The following TTC13 variants were observed in gnomAD, a reference collection of about 807,000 sequenced individuals.
The protein encoded by TTC13 is tetratricopeptide repeat domain 13.
TTC13 carries 62 observed loss-of-function variants against 120.0 expected under a neutral mutation model. The ratio of observed to expected loss-of-function variants is 0.52; its 90% CI spans 0.42 to 0.64. The LOEUF (loss-of-function observed/expected upper bound fraction) is 0.64, where lower values mean the gene tolerates loss of function less well. Ranked by LOEUF, TTC13 falls within the 30% of genes least tolerant of loss-of-function variation. TTC13 has a pLI of 0.00. For synonymous variants in TTC13, 384 were observed against 393.5 expected, an observed-to-expected ratio of 0.98 and a Z score of 0.28; for missense variants, 824 against 1,050.2, an observed-to-expected ratio of 0.78 and a Z score of 2.98.
Position 230,931,758 on chromosome 1 carries a change from T to A in TTC13, c.1103A>T (p.Gln368Leu), listed in dbSNP as rs1204738435. The change falls in exon 10 of 23, where the codon CAG becomes CTG. Residue 368 changes from glutamine to leucine, a missense_variant. By Grantham distance (113) the Gln-to-Leu change is moderately radical (BLOSUM62 -2). Around this residue, in one of 4 missense-constraint regions of TTC13, gnomAD observed 430 missense variants for 626.8 expected, o/e 0.69. Coordinates refer to ENST00000366661, the MANE Select transcript of TTC13 (RefSeq NM_024525.5). The stretch of plus-strand genomic sequence containing the variant: ...CACCTTAAAGTTCTTAAGGGCTTCC[T>A]GTAAGCTGCCGTGGTGGTAGAGCAT... The part of the protein sequence containing the change: ...GMMLYHHGSL[Q>L]EALKNFKRCL... 6.2e-7 allele frequency: 1 copy of A among 1,614,188 alleles called. No homozygotes were observed. Among genetic ancestry groups the A allele is most frequent in the South Asian group, 1.1e-5 (1 of 91,078 alleles).
In TTC13 at chr1:230,943,902, GA is replaced by G; in HGVS notation, c.580-5del. On this transcript the variant is annotated splice_polypyrimidine_tract_variant and splice_region_variant and intron_variant, in intron 5 of 22. Coordinates refer to ENST00000366661, the MANE Select transcript of TTC13 (RefSeq NM_024525.5). ...CAAGCTCAGCATTCTTAATGTCCTT[GA>G]AAAGGCATTAGCTTAGTATGAGACA... is the stretch of plus-strand genomic sequence containing the variant. 2 of 1,604,110 alleles carry G rather than the reference GA, an allele frequency of 1.2e-6. No individual in the cohort carries two copies. Among genetic ancestry groups the G allele is most frequent in the Non-Finnish European group, 1.7e-6 (2 of 1,173,656 alleles).
intron 3 of TTC13, among the ~76,000 whole-genome samples, chr1:230,955,507 C>CAAA (rs55902639): frequency 2.2e-5 from 3 of 137,088 alleles, no homozygotes; most frequent in African/African-American, 5.4e-5. Context: ...ACTAAATATA[C>CAAA]AAAAAAAAAA....
chr1:230,968,117 C>T (rs1677308264), intron 1 of TTC13, among the ~76,000 whole-genome samples: 1 of 151,104 alleles, frequency 6.6e-6, no homozygotes, highest in African/African-American at 2.4e-5. Flanking sequence ...TCTGTAGTCA[C>T]CTCATCAGGC....
At chr1:230,955,176 C>T (rs997067513) in intron 3 of TTC13, among the ~76,000 whole-genome samples, 4 of 152,106 alleles carry the variant, frequency 2.6e-5, no homozygotes, top group Admixed American at 6.5e-5. Flanking sequence ...ACTGCTTGAC[C>T]CTTAGCCCCG....
At position 230,978,521 on chromosome 1, in the gene TTC13, C is replaced by T; in HGVS notation, c.271+39G>A. On this transcript the variant is annotated intron_variant, in intron 1 of 22. Transcript: ENST00000366661. This position sits in a 1 kb window ranked among gnomAD's most constrained non-coding sequence, Gnocchi z 5.6. ...CGGGACCCCAGCCCCGCTGCCCCGCCGCCCCGGCCGACTCGGACGCCCGCC... is the reference window on the plus strand; with the variant it reads ...CGGGACCCCAGCCCCGCTGCCCCGCTGCCCCGGCCGACTCGGACGCCCGCC... The T allele has an allele frequency of 1.5e-6, 1 of 667,492 alleles. No individual in the cohort carries two copies. Among genetic ancestry groups the T allele is most frequent in the Non-Finnish European group, 2.1e-6 (1 of 469,042 alleles). The allele number at this position is 667,492 out of a possible 1,614,324, so 41.3% of individuals were successfully genotyped here. A position where few individuals can be genotyped will look rare whatever the true frequency, so the allele number is the denominator to read the frequency against.
At chr1:230,911,400 A>G in intron 20 of TTC13, 70 bp downstream of exon 20, 1 of 1,193,876 alleles carries the variant, frequency 8.4e-7, no homozygotes, top group Non-Finnish European at 1.2e-6. Flanking sequence ...TATATCCATA[A>G]CAGGAAGGAT....
At chr1:230,920,665 CTTTAA>C in intron 16 of TTC13, 71 bp from the exon 17 acceptor site, 1 of 949,876 alleles carries the variant, frequency 1.1e-6, no homozygotes, top group Non-Finnish European at 1.5e-6. Context: ...ATGCAATTAT[CTTTAA>C]TTTAAATAAA....
In TTC13 at chr1:230,935,667, T is replaced by C. The variant is rs75559594; in HGVS notation, c.901-1806A>G. Among the ~76,000 whole-genome samples, 1,470 of 152,004 alleles carry C rather than the reference T, an allele frequency of 9.7e-3. 12 individuals are homozygous for C. Among genetic ancestry groups the C allele is most frequent in the South Asian group, 0.018 (87 of 4,800 alleles). On this transcript the variant is annotated intron_variant, in intron 8 of 22. Coordinates refer to ENST00000366661, the MANE Select transcript of TTC13 (RefSeq NM_024525.5). ...AGGAAGGGCCTCCTGGGCCAAGCAGTGTAGGCAGTGAGGACTGGGGGGCTT... is the reference window on the plus strand; with the variant it reads ...AGGAAGGGCCTCCTGGGCCAAGCAGCGTAGGCAGTGAGGACTGGGGGGCTT...
intron 4 of TTC13, among the ~76,000 whole-genome samples, chr1:230,946,219 G>C (rs972126179): frequency 1.3e-5 from 2 of 152,162 alleles, no homozygotes; most frequent in Non-Finnish European, 2.9e-5. Flanking sequence ...AGTTAAGAAA[G>C]AAGAATAAAC....
rs770993559 is a variant in TTC13, at chr1:230,954,326, A to G, written c.513+7T>C. 1 of 1,608,856 alleles carries G rather than the reference A, an allele frequency of 6.2e-7. No homozygotes were observed. Among genetic ancestry groups the G allele is most frequent in the African/African-American group, 1.3e-5 (1 of 74,798 alleles). ...CTCAAAATTACATAAATAAGAAGAAAATTTACCTGAAGCATTGTTGAAAAA... is the reference window on the plus strand; with the variant it reads ...CTCAAAATTACATAAATAAGAAGAAGATTTACCTGAAGCATTGTTGAAAAA... On this transcript the variant is annotated splice_region_variant and intron_variant, in intron 4 of 22. Transcript: ENST00000366661.
chr1:230,959,078 T>G (rs1443042844), intron 2 of TTC13, among the ~76,000 whole-genome samples: 1 of 152,192 alleles, frequency 6.6e-6, no homozygotes, highest in East Asian at 1.9e-4. Context: ...ACATTGTACA[T>G]TGTAAATATA....
chr1:230,956,107 C>A (rs1003383495), intron 3 of TTC13, among the ~76,000 whole-genome samples: 2 of 152,238 alleles, frequency 1.3e-5, no homozygotes, highest in Non-Finnish European at 2.9e-5. Context: ...CAATTATTAA[C>A]CCCATTTTGC....
At chr1:230,963,573 T>C (rs567962859) in intron 1 of TTC13, among the ~76,000 whole-genome samples, 2 of 151,658 alleles carry the variant, frequency 1.3e-5, no homozygotes, top group Non-Finnish European at 2.9e-5. Context: ...AGGTGGAAGC[T>C]GCAGTGAACC....
At position 230,916,279 on chromosome 1, in the gene TTC13, A is replaced by G; in HGVS notation, c.2007T>C (p.Asp669=). The G allele has an allele frequency of 6.2e-7, 1 of 1,614,124 alleles. No individual in the cohort carries two copies. Among genetic ancestry groups the G allele is most frequent in the Non-Finnish European group, 8.5e-7 (1 of 1,179,962 alleles). Residue 669 remains aspartate, a synonymous_variant, in exon 18 of 23, where the codon GAT becomes GAC. Coordinates refer to ENST00000366661, the MANE Select transcript of TTC13 (RefSeq NM_024525.5). ...IMKQFNTKTK[D]GFTVNTKVPS... Reference sequence around the variant, plus strand: ...GAACTTTTGTGTTCACGGTGAACCCATCCTTCGTTTTAGTATTAAACTGCT... The same window carrying G: ...GAACTTTTGTGTTCACGGTGAACCCGTCCTTCGTTTTAGTATTAAACTGCT...
chr1:230,958,245 C>G lies in TTC13; in HGVS notation c.421G>C (p.Asp141His). The change falls in exon 3 of 23, where the codon GAC becomes CAC. Residue 141 changes from aspartate (D) to histidine (H), a missense_variant. This residue lies in a region of TTC13 where 430 missense variants were observed against 626.8 expected (regional missense o/e 0.69). Coordinates refer to ENST00000366661, the MANE Select transcript of TTC13 (RefSeq NM_024525.5). Reference sequence around the variant, plus strand: ...TTACCTAACTCTTCATTTGTGCTGTCATTATCAGTGGCAAACGGGAATCTC... The same window carrying G: ...TTACCTAACTCTTCATTTGTGCTGTGATTATCAGTGGCAAACGGGAATCTC... The part of the protein sequence containing the change: ...QKRFPFATDN[D>H]STNEELAIAY... The G allele has an allele frequency of 1.9e-6, 3 of 1,610,790 alleles. No individual in the cohort carries two copies. Among genetic ancestry groups the G allele is most frequent in the Non-Finnish European group, 2.5e-6 (3 of 1,179,260 alleles).
intron 12 of TTC13, among the ~76,000 whole-genome samples, chr1:230,928,340 G>C (rs1673225763): frequency 6.6e-6 from 1 of 152,072 alleles, no homozygotes; most frequent in South Asian, 2.1e-4. Context: ...ATTTTATACA[G>C]ATCTTGTAAG....
intron 8 of TTC13, among the ~76,000 whole-genome samples, chr1:230,936,804 G>A (rs76394446): frequency 0.015 from 2,345 of 151,934 alleles, 23 homozygotes; most frequent in Middle Eastern, 0.031. Flanking sequence ...TGTCTCTGCG[G>A]TTAACAAGAG....
At chr1:230,969,796 T>A (rs1473545533) in intron 1 of TTC13, among the ~76,000 whole-genome samples, 1 of 152,244 alleles carries the variant, frequency 6.6e-6, no homozygotes, top group Non-Finnish European at 1.5e-5. Context: ...TTCACAGGGC[T>A]ACTGTGAAGA....
At position 230,916,284 on chromosome 1, in the gene TTC13, T is replaced by C; in HGVS notation, c.2002A>G (p.Lys668Glu). Residue 668 changes from lysine to glutamate, a missense_variant, in exon 18 of 23, where the codon AAG (lysine) becomes GAG (glutamate). Physicochemically the swap from Lys to Glu is moderately conservative, Grantham distance 56. Transcript: ENST00000366661. ...PIMKQFNTKTKDGFTVNTKVP... is the reference protein window; with the variant it reads ...PIMKQFNTKTEDGFTVNTKVP... ...TTTGTGTTCACGGTGAACCCATCCT[T>C]CGTTTTAGTATTAAACTGCTTTCAG... 1 of 1,614,054 alleles carries C rather than the reference T, an allele frequency of 6.2e-7. No homozygotes were observed.
Sources: allele counts gnomAD v4.1 joint callset (sites outside exome capture counted in the v4.1 genomes callset), GRCh38; gene constraint gnomAD v4.1.1; regional missense constraint gnomAD v4.1.1; non-coding constraint Gnocchi (gnomAD v3.1); transcripts MANE v1.5; gene names NCBI Gene and HGNC (gene_info 2026-07-23, HGNC 2026-07-21).